The following HIVEP3 variants were observed in gnomAD, a reference collection of about 807,000 sequenced individuals.
HIVEP3 encodes the protein HIVEP zinc finger 3.
HIVEP3 carries 49 observed loss-of-function variants against 152.8 expected under a neutral mutation model. The observed-to-expected ratio is 0.32, with a 90% confidence interval of 0.26 to 0.41. The LOEUF (loss-of-function observed/expected upper bound fraction) is 0.41, where lower values mean the gene tolerates loss of function less well. Ranked by LOEUF, HIVEP3 falls within the 10% of genes least tolerant of loss-of-function variation. The pLI is 1.00. For synonymous variants in HIVEP3, 1,269 were observed against 1,289.0 expected (o/e 0.98, Z 0.33); for missense variants, 2,790 against 3,103.3 (o/e 0.90, Z 2.40).
At chr1:42,022,385 C>T (rs971104193) in intron 1 of HIVEP3, among the ~76,000 whole-genome samples, 5 of 152,106 alleles carry the variant, frequency 3.3e-5, no homozygotes, top group South Asian at 4.1e-4. Flanking sequence ...CATAAACTTA[C>T]CCTCCTTCAA....
In HIVEP3 at chr1:41,991,191, CA is replaced by C. The variant is rs879791946; in HGVS notation, n.119+44615del. 4.5e-3 allele frequency among the ~76,000 whole-genome samples: 690 copies of C among 151,844 alleles called. 3 individuals carry two copies. The highest frequency in any genetic ancestry group is 0.018 in the South Asian group (86 of 4,790). The stretch of plus-strand genomic sequence containing the variant: ...GGAAACAGAGACACAAAAAACCCTT[CA>C]AAAAATTAATGAATCCAGGAGCTGG... On this transcript the variant is annotated intron_variant and non_coding_transcript_variant, in intron 1 of 3. Coordinates refer to the HIVEP3 transcript ENST00000489103.
chr1:41,538,805 A>G (rs1280332041), intron 5 of HIVEP3, among the ~76,000 whole-genome samples: 1 of 122,146 alleles, frequency 8.2e-6, no homozygotes, highest in African/African-American at 3.1e-5. Flanking sequence ...GGTTGAAATG[A>G]AATGAAACTG....
At chr1:41,682,369 G>A (rs931941321) in intron 2 of HIVEP3, among the ~76,000 whole-genome samples, 1 of 152,092 alleles carries the variant, frequency 6.6e-6, no homozygotes, top group African/African-American at 2.4e-5. Context: ...TAGGTCGTGA[G>A]CTCTCAAGGG....
chr1:41,658,930 C>T (rs1223016954), intron 2 of HIVEP3, among the ~76,000 whole-genome samples: 1 of 152,156 alleles, frequency 6.6e-6, no homozygotes, highest in Non-Finnish European at 1.5e-5. Flanking sequence ...TAAGAGGGTC[C>T]TTAGAAGTCT....
chr1:41,879,651 T>A (rs1166348082), intron 1 of HIVEP3, among the ~76,000 whole-genome samples: 3 of 152,190 alleles, frequency 2.0e-5, no homozygotes, highest in African/African-American at 7.2e-5. Flanking sequence ...TGCTTCTCTG[T>A]CTCCTCAGTC....
At chr1:41,944,339 C>A (rs555419520) in intron 1 of HIVEP3, among the ~76,000 whole-genome samples, 63 of 152,264 alleles carry the variant, frequency 4.1e-4, no homozygotes, top group African/African-American at 1.5e-3. Flanking sequence ...TTGGGAATAT[C>A]TTTTAATATT....
chr1:41,607,777 C>G, intron 3 of HIVEP3, among the ~76,000 whole-genome samples: 1 of 152,188 alleles, frequency 6.6e-6, no homozygotes, highest in Non-Finnish European at 1.5e-5. Flanking sequence ...GTGGCTTAGA[C>G]GAGACAGTTT....
intron 1 of HIVEP3, among the ~76,000 whole-genome samples, chr1:41,742,505 C>T (rs560942438): frequency 6.6e-6 from 1 of 152,328 alleles, no homozygotes; most frequent in South Asian, 2.1e-4. Context: ...TTCTCTGTTC[C>T]ACATGCAAGT....
At position 41,573,057 on chromosome 1, in the gene HIVEP3, C is replaced by A. The variant is rs528398220; in HGVS notation, c.5207+2487G>T. On this transcript the variant is annotated intron_variant, in intron 5 of 8. Transcript: ENST00000372583. Reference sequence around the variant, plus strand: ...CATTGTTTTCTTCTTCCTCTCTCAGCCTCTACTGGCCTGGATCTAAGGAAC... The same window carrying A: ...CATTGTTTTCTTCTTCCTCTCTCAGACTCTACTGGCCTGGATCTAAGGAAC... 3.5e-4 allele frequency among the ~76,000 whole-genome samples: 53 copies of A among 152,348 alleles called. 1 individual carries two copies. Among genetic ancestry groups the A allele is most frequent in the African/African-American group, 1.0e-3 (43 of 41,586 alleles).
At chr1:41,896,954 C>T (rs1187205187) in intron 1 of HIVEP3, among the ~76,000 whole-genome samples, 6 of 152,098 alleles carry the variant, frequency 3.9e-5, no homozygotes, top group Non-Finnish European at 5.9e-5. Context: ...GTGGTCCCTG[C>T]TGTGACAGAG....
intron 2 of HIVEP3, among the ~76,000 whole-genome samples, chr1:41,674,038 G>A (rs900704945): frequency 6.6e-6 from 1 of 152,214 alleles, no homozygotes; most frequent in African/African-American, 2.4e-5. Flanking sequence ...ACCAGGGCGG[G>A]GCATTTCCCT....
intron 1 of HIVEP3, among the ~76,000 whole-genome samples, chr1:41,967,602 C>A (rs1158216644): frequency 6.6e-6 from 1 of 152,112 alleles, no homozygotes; most frequent in East Asian, 1.9e-4. Flanking sequence ...CTAGAAAGAT[C>A]TCAAATCAAC....
In HIVEP3 at chr1:41,511,230, CG is replaced by C; in HGVS notation, c.6441del (p.Gly2148AlafsTer40). On this transcript the variant is annotated frameshift_variant, in exon 9 of 9. Transcript: ENST00000372583. LOFTEE classifies it high-confidence loss of function. The surrounding 1 kb of genome is among the most constrained non-coding windows in gnomAD (Gnocchi z 4.9). ...KAESRSPSCSPGPAHPLSSRP... is the reference protein window; with the variant it reads ...KAESRSPSCSXGPAHPLSSRP... ...CGGGAGGAGAGAGGATGAGCAGGGC[CG>C]GGTGAGCAGGAGGGACTTCGGGACT... The C allele has an allele frequency of 6.2e-7, 1 of 1,612,352 alleles. No homozygotes were observed. The highest frequency in any genetic ancestry group is 8.5e-7 in the Non-Finnish European group (1 of 1,179,160).
intron 1 of HIVEP3, among the ~76,000 whole-genome samples, chr1:41,905,063 T>C (rs532054662): frequency 6.6e-6 from 1 of 152,202 alleles, no homozygotes; most frequent in African/African-American, 2.4e-5. Context: ...CATGAAGATT[T>C]TTGTGAACTA....
Position 41,617,890 on chromosome 1 carries a change from A to G in HIVEP3, c.-522+10859T>C, listed in dbSNP as rs542305727. ...CAGGCTTCTAAGCATCTTTTAGTTC[A>G]GTGTCTTCTTTTACAAAAGAGCCCT... On this transcript the variant is annotated intron_variant, in intron 3 of 8. Transcript: ENST00000372583. 5.3e-5 allele frequency among the ~76,000 whole-genome samples: 8 copies of G among 152,296 alleles called. No individual in the cohort carries two copies. The East Asian group carries it at 1.5e-3, about 29-fold the overall frequency.
At chr1:41,801,570 C>T (rs1338938180) in intron 1 of HIVEP3, among the ~76,000 whole-genome samples, 2 of 152,110 alleles carry the variant, frequency 1.3e-5, no homozygotes, top group African/African-American at 4.8e-5. Flanking sequence ...GATATCAGTT[C>T]TCCTTATAAT....
intron 1 of HIVEP3, among the ~76,000 whole-genome samples, chr1:41,897,422 TG>T (rs1388883079): frequency 6.6e-6 from 1 of 152,130 alleles, no homozygotes; most frequent in African/African-American, 2.4e-5. Context: ...CTGGGATTAG[TG>T]TCCTCATAAA....
intron 1 of HIVEP3, among the ~76,000 whole-genome samples, chr1:41,732,367 G>T (rs1446433916): frequency 6.6e-6 from 1 of 152,156 alleles, no homozygotes; most frequent in Non-Finnish European, 1.5e-5. Context: ...ATGGAGCCAG[G>T]ATTTGAACTG....
intron 1 of HIVEP3, among the ~76,000 whole-genome samples, chr1:41,987,386 T>G (rs979717249): frequency 9.2e-5 from 14 of 151,782 alleles, no homozygotes; most frequent in African/African-American, 2.9e-4. Context: ...AAAATAAAAA[T>G]AAATAAATAA....
Sources: gnomAD v4.1 joint callset for allele counts (sites outside exome capture counted in the v4.1 genomes callset) on GRCh38, gnomAD v4.1.1 for gene constraint, Gnocchi (gnomAD v3.1) non-coding constraint, MANE v1.5 for transcripts, NCBI Gene and HGNC (gene_info 2026-07-23, HGNC 2026-07-21) for gene names.